The following ANKRD36B variants were observed in gnomAD, a reference collection of about 807,000 sequenced individuals.
ANKRD36B encodes ankyrin repeat domain-containing protein 36B.
A neutral mutation model predicts 135.7 loss-of-function variants in ANKRD36B; 37 were observed. The ratio of observed to expected loss-of-function variants is 0.27; its 90% CI spans 0.21 to 0.36. The LOEUF (loss-of-function observed/expected upper bound fraction) is 0.36, where lower values mean the gene tolerates loss of function less well. Among genes scored for constraint, ANKRD36B ranks in the 10% least tolerant of loss-of-function variants. ANKRD36B has a pLI of 1.00. For missense variants in ANKRD36B, 549 were observed against 1,037.1 expected (o/e 0.53, Z 6.46); for synonymous variants, 179 against 348.1 (o/e 0.51, Z 5.41).
chr2:97,572,009 A>G (rs2081912275), intron 6 of ANKRD36B, among the ~76,000 whole-genome samples: 2 of 152,176 alleles, frequency 1.3e-5, no homozygotes, highest in Non-Finnish European at 2.9e-5. Context: ...ACGATGGCTC[A>G]TGACCATAAT....
At chr2:97,586,595 A>G (rs2083015904) in intron 1 of ANKRD36B, among the ~76,000 whole-genome samples, 1 of 152,202 alleles carries the variant, frequency 6.6e-6, no homozygotes, top group Admixed American at 6.5e-5. Context: ...GGATTGAAAG[A>G]ATGCATACAT....
rs1421075123 is a variant in ANKRD36B at position 97,526,688 on chromosome 2, C to A, written c.2266-3221G>T. Among the ~76,000 whole-genome samples, 17 of 96,458 alleles carry A rather than the reference C, an allele frequency of 1.8e-4. 5 individuals carry two copies. The highest frequency in any genetic ancestry group is 4.4e-4 in the Non-Finnish European group (16 of 36,266). 63.3% of individuals were successfully genotyped at this position (96,458 alleles called of 152,430 possible). On this transcript the variant is annotated intron_variant, in intron 35 of 43. Transcript: ENST00000359901. ...TTAGATGAATGTATACCTAGAATAA[C>A]CAATACAGAGAAGTGCTTAAAGGAG...
chr2:97,569,812 G>A (rs563447753), intron 6 of ANKRD36B, among the ~76,000 whole-genome samples: 5 of 151,988 alleles, frequency 3.3e-5, no homozygotes, highest in East Asian at 1.9e-4. Context: ...ATAGCAAGAC[G>A]TACTCAATTT....
Position 97,546,209 on chromosome 2 carries a change from G to T in ANKRD36B, c.1580-348C>A, listed in dbSNP as rs6744616. On this transcript the variant is annotated intron_variant, in intron 22 of 43. Coordinates refer to ENST00000359901, the MANE Select transcript of ANKRD36B (RefSeq NM_001393939.1). ...ACACGTGAGAATCAATGTCAAAGCA[G>T]GTGCTACATGATCCCACATGTCTTT... Among the ~76,000 whole-genome samples the T allele has an allele frequency of 6.6e-3, 1,003 of 151,536 alleles. 52 individuals are homozygous for T. In the East Asian group the frequency reaches 0.11, roughly 16 times the overall value.
At chr2:97,578,246 C>A (rs571896656) in intron 5 of ANKRD36B, among the ~76,000 whole-genome samples, 13 of 151,824 alleles carry the variant, frequency 8.6e-5, no homozygotes, top group Admixed American at 2.0e-4. Flanking sequence ...CTAAAAAAAA[C>A]AGTTGTAACT....
rs1258466259 is a variant in ANKRD36B, at chr2:97,547,689, G to A, written c.1506+14C>T. On this transcript the variant is annotated intron_variant, in intron 21 of 43. Transcript: ENST00000359901. ...ACATTTACTAGTTCACAATATAAAT[G>A]ACAGTTTCATTACCTTCAAGCCTGG... 33 of 1,558,616 alleles carry A rather than the reference G, an allele frequency of 2.1e-5. No individual in the cohort carries two copies. The highest frequency in any genetic ancestry group is 2.9e-5 in the Non-Finnish European group (33 of 1,148,916).
chr2:97,575,614 C>T (rs1451460504), intron 6 of ANKRD36B, among the ~76,000 whole-genome samples: 1 of 126,386 alleles, frequency 7.9e-6, no homozygotes, highest in Non-Finnish European at 1.9e-5. Context: ...CCTAGATCAA[C>T]ATGGCCTCTT....
At position 97,533,611 on chromosome 2, in the gene ANKRD36B, TAGAC is replaced by T. The variant is rs2078711135; in HGVS notation, c.2192-1231_2192-1228del. The stretch of plus-strand genomic sequence containing the variant: ...ACTGTTTAAAATTAATCAGCTTAGA[TAGAC>T]AGTTGTAGAATAAAAATTAATAAAA... On this transcript the variant is annotated intron_variant, in intron 34 of 43. Coordinates refer to ENST00000359901, the MANE Select transcript of ANKRD36B (RefSeq NM_001393939.1). Among the ~76,000 whole-genome samples, 2 of 96,436 alleles carry T rather than the reference TAGAC, an allele frequency of 2.1e-5. 1 individual carries two copies. The highest frequency in any genetic ancestry group is 5.5e-5 in the Non-Finnish European group (2 of 36,308). 63.3% of individuals were successfully genotyped at this position (96,436 alleles called of 152,430 possible).
chr2:97,573,710 A>T (rs1368107248), intron 6 of ANKRD36B, among the ~76,000 whole-genome samples: 1 of 152,220 alleles, frequency 6.6e-6, no homozygotes, highest in East Asian at 1.9e-4. Flanking sequence ...AATGGAACAG[A>T]ACAGAGCCAT....
chr2:97,555,073 T>C lies in ANKRD36B; in HGVS notation c.1158A>G (p.Leu386=), dbSNP rs1335332823. The change falls in exon 14 of 44, where the codon CTA becomes CTG. Residue 386 remains leucine (L), a synonymous_variant. Transcript: ENST00000359901. The part of the protein sequence containing the change: ...LNTATEIKDG[L]QCGTVSSQKQ... Reference sequence around the variant, plus strand: ...TTGCAAAATTACCTGTCCCACATTGTAGTCCATCCTTTATTTCTGTAGCTG... The same window carrying C: ...TTGCAAAATTACCTGTCCCACATTGCAGTCCATCCTTTATTTCTGTAGCTG... 1.2e-6 allele frequency: 2 copies of C among 1,611,786 alleles called. No individual in the cohort carries two copies. The highest frequency in any genetic ancestry group is 2.7e-5 in the African/African-American group (2 of 74,784).
chr2:97,532,451 G>A lies in ANKRD36B; in HGVS notation c.2192-67C>T, dbSNP rs1210453271. On this transcript the variant is annotated intron_variant, in intron 34 of 43. Transcript: ENST00000359901. ...CAGTTAGATAAAAGCCATGGTCAGC[G>A]GTGGCTCACGCCTGTAATCCCAGCA... The A allele has an allele frequency of 1.2e-4, 62 of 502,742 alleles. 16 individuals carry two copies. The Middle Eastern group carries it at 1.6e-3, about 13-fold the overall frequency. 31.1% of individuals were successfully genotyped at this position (502,742 alleles called of 1,614,324 possible).
intron 3 of ANKRD36B, among the ~76,000 whole-genome samples, chr2:97,582,552 A>G (rs1439967597): frequency 2.0e-5 from 3 of 152,106 alleles, no homozygotes; most frequent in African/African-American, 7.2e-5. Flanking sequence ...GGGACACCAG[A>G]TTGGATTCTT....
intron 8 of ANKRD36B, among the ~76,000 whole-genome samples, chr2:97,559,294 G>A (rs2080813289): frequency 6.6e-6 from 1 of 151,864 alleles, no homozygotes; most frequent in Non-Finnish European, 1.5e-5. Context: ...GGACAAATCA[G>A]AGGAGTAACT....
In ANKRD36B at chr2:97,540,809, A is replaced by C. The variant is rs2034401; in HGVS notation, c.1886-580T>G. Among the ~76,000 whole-genome samples the C allele has an allele frequency of 3.1e-5, 3 of 96,356 alleles. 1 individual carries two copies. The highest frequency in any genetic ancestry group is 8.3e-5 in the Non-Finnish European group (3 of 36,214). The allele number at this position is 96,356 out of a possible 152,430, so 63.2% of individuals were successfully genotyped here. ...AGTAGATAATATTTATTATTCCTCA[A>C]ACCCACGTGGTGTAATAATTTGCCT... On this transcript the variant is annotated intron_variant, in intron 28 of 43. Transcript: ENST00000359901.
intron 6 of ANKRD36B, among the ~76,000 whole-genome samples, chr2:97,572,765 G>T (rs1657778753): frequency 6.6e-6 from 1 of 151,320 alleles, no homozygotes. Context: ...TAAAAGCAGA[G>T]ATATTACAAG....
chr2:97,589,607 C>T lies in ANKRD36B; in HGVS notation c.79G>A (p.Ala27Thr). The change falls in exon 1 of 44, where the codon GCT becomes ACT. Residue 27 changes from alanine (A) to threonine (T), a missense_variant. Ala to Thr is a moderately conservative substitution (Grantham distance 58). Transcript: ENST00000359901. Reference sequence around the variant, plus strand: ...TTCTCCAGATTACCACGTAAGACAGCTCTGTGGATCCTCTTCAGATGATAC... The same window carrying T: ...TTCTCCAGATTACCACGTAAGACAGTTCTGTGGATCCTCTTCAGATGATAC... ...KPYHLKRIHR[A>T]VLRGNLEKLK... 1 of 1,614,108 alleles carries T rather than the reference C, an allele frequency of 6.2e-7. No individual in the cohort carries two copies. Among genetic ancestry groups the T allele is most frequent in the East Asian group, 2.2e-5 (1 of 44,868 alleles).
chr2:97,571,164 C>T (rs566499571), intron 6 of ANKRD36B, among the ~76,000 whole-genome samples: 141 of 152,312 alleles, frequency 9.3e-4, no homozygotes, highest in African/African-American at 3.2e-3. Context: ...GTCTTCAACT[C>T]ACCAAGGTTT....
chr2:97,521,758 G>T lies in ANKRD36B; in HGVS notation c.2407+1568C>A, dbSNP rs1294487860. 4.1e-5 allele frequency among the ~76,000 whole-genome samples: 4 copies of T among 97,090 alleles called. 1 individual carries two copies. The highest frequency in any genetic ancestry group is 1.1e-4 in the Non-Finnish European group (4 of 35,670). 63.7% of individuals were successfully genotyped at this position (97,090 alleles called of 152,430 possible). Reference sequence around the variant, plus strand: ...GGTGGTTTGACTTACTGACTTTACAGTGGGTTTACTGAAGTATTAAATTGC... The same window carrying T: ...GGTGGTTTGACTTACTGACTTTACATTGGGTTTACTGAAGTATTAAATTGC... On this transcript the variant is annotated intron_variant, in intron 36 of 43. Transcript: ENST00000359901.
intron 6 of ANKRD36B, among the ~76,000 whole-genome samples, chr2:97,569,476 G>C (rs1013637046): frequency 3.9e-5 from 6 of 151,924 alleles, no homozygotes; most frequent in Non-Finnish European, 8.8e-5. Context: ...TCTAATGGCG[G>C]GTACATTTAT....
Sources: allele counts gnomAD v4.1 joint callset (sites outside exome capture counted in the v4.1 genomes callset), GRCh38; gene constraint gnomAD v4.1.1; transcripts MANE v1.5; gene names NCBI Gene and HGNC (gene_info 2026-07-23, HGNC 2026-07-21).